Variants in ZNF554 observed in about 807,000 individuals in gnomAD.
ZNF554 encodes the protein zinc finger protein 554.
In ZNF554, 15 loss-of-function variants were observed where a neutral mutation model predicts 21.2. The observed-to-expected ratio is 0.71, with a 90% CI of 0.47 to 1.09. The LOEUF (loss-of-function observed/expected upper bound fraction) is 1.09, where lower values mean the gene tolerates loss of function less well. Ranked by LOEUF, ZNF554 falls within the 50% of genes least tolerant of loss-of-function variation. The probability of loss-of-function intolerance (pLI) is 0.00; values close to 1 mark genes in which losing one functional copy is unlikely to be tolerated. For missense variants in ZNF554, 691 were observed against 662.7 expected (o/e 1.04, Z -0.47); for synonymous variants, 258 against 251.4 (o/e 1.03, Z -0.25).
intron 2 of ZNF554, among the ~76,000 whole-genome samples, chr19:2,824,200 C>T (rs1343801618): frequency 6.6e-6 from 1 of 152,192 alleles, no homozygotes; most frequent in African/African-American, 2.4e-5. Context: ...TCCTGCCTCG[C>T]CCACTTGGAG....
rs752234211 is a variant in ZNF554, at chr19:2,823,036, A to G, written c.54-4A>G. The G allele has an allele frequency of 1.9e-6, 3 of 1,613,102 alleles. No homozygotes were observed. Among genetic ancestry groups the G allele is most frequent in the South Asian group, 1.1e-5 (1 of 91,022 alleles). On this transcript the variant is annotated splice_region_variant and splice_polypyrimidine_tract_variant and intron_variant, in intron 1 of 4. Transcript: ENST00000317243. ...TATTCGCAGCGCCTTTTTCCTCCCC[A>G]CAGCTCTGCCTGCCCAGGAACCTGC...
At chr19:2,824,258 G>A (rs1431038097) in intron 2 of ZNF554, among the ~76,000 whole-genome samples, 2 of 152,216 alleles carry the variant, frequency 1.3e-5, no homozygotes, top group African/African-American at 2.4e-5. Context: ...TTCCTGGAGT[G>A]CGAGGCCCAG....
intron 2 of ZNF554, among the ~76,000 whole-genome samples, 159 bp downstream of exon 2, chr19:2,823,271 G>A (rs6510704): frequency 0.44 from 66,183 of 151,914 alleles, 15,083 homozygotes; most frequent in African/African-American, 0.57. Context: ...GCTGCTCCCA[G>A]GTGTAAAGAG....
chr19:2,833,921 G>T lies in ZNF554; in HGVS notation c.686G>T (p.Ser229Ile). Residue 229 changes from serine (S) to isoleucine (I), a missense_variant, in exon 5 of 5, where the codon AGC (serine) becomes ATC (isoleucine). Transcript: ENST00000317243. ...WHGFGENGNL[S>I]PALVLSQGSS... ...GGATTTGGGGAAAATGGTAATCTGA[G>T]CCCAGCCCTTGTTTTATCACAGGGA... 6.2e-7 allele frequency: 1 copy of T among 1,614,042 alleles called. No individual in the cohort carries two copies. The highest frequency in any genetic ancestry group is 8.5e-7 in the Non-Finnish European group (1 of 1,180,026).
chr19:2,822,345 C>T (rs1218120730), intron 1 of ZNF554, among the ~76,000 whole-genome samples: 1 of 152,124 alleles, frequency 6.6e-6, no homozygotes, highest in African/African-American at 2.4e-5. Context: ...GCCACCATAC[C>T]CGAGCTTTTC....
intron 1 of ZNF554, 76 bp from the exon 2 acceptor site, chr19:2,822,964 T>C: frequency 6.7e-7 from 1 of 1,496,828 alleles, no homozygotes; most frequent in Non-Finnish European, 9.1e-7. Flanking sequence ...CAAATGGAGG[T>C]TCTCCAGGCC....
chr19:2,820,145 C>G (rs1000448791), intron 1 of ZNF554, 21 bp downstream of exon 1: 1 of 1,218,946 alleles, frequency 8.2e-7, no homozygotes, highest in East Asian at 3.3e-5. Flanking sequence ...CCGCCTCCCG[C>G]GCCGCGACCT....
chr19:2,826,037 A>G (rs1045691453), intron 2 of ZNF554, among the ~76,000 whole-genome samples: 5 of 151,364 alleles, frequency 3.3e-5, no homozygotes, highest in Non-Finnish European at 7.4e-5. Context: ...AGTAGCTGCA[A>G]TTACAGGCAC....
intron 2 of ZNF554, among the ~76,000 whole-genome samples, chr19:2,827,276 T>G (rs2087348013): frequency 6.6e-6 from 1 of 152,190 alleles, no homozygotes; most frequent in African/African-American, 2.4e-5. Flanking sequence ...ATCCATGACA[T>G]CCATTCATTT....
At chr19:2,823,180 A>C in intron 2 of ZNF554, 68 bp downstream of exon 2, 46 of 1,486,498 alleles carry the variant, frequency 3.1e-5, no homozygotes, top group Non-Finnish European at 4.2e-5. Flanking sequence ...CCAGAAACTC[A>C]GTCCTCGATA....
chr19:2,834,723 A>G lies in ZNF554; in HGVS notation c.1488A>G (p.Glu496=), dbSNP rs757833548. ...GAGAGAAACCCTACAGGTGTCAGGA[A>G]TGTGGGAAAGCCTTCAGCCAGAGCT... ...HTGEKPYRCQ[E]CGKAFSQSSS... Residue 496 remains glutamate, a synonymous_variant, in exon 5 of 5, where the codon GAA becomes GAG. Transcript: ENST00000317243. 1 of 1,613,860 alleles carries G rather than the reference A, an allele frequency of 6.2e-7. No individual in the cohort carries two copies. The highest frequency in any genetic ancestry group is 2.2e-5 in the East Asian group (1 of 44,872).
chr19:2,819,934 G>A lies in ZNF554; in HGVS notation c.-138G>A, dbSNP rs1220468476. 2.5e-5 allele frequency: 15 copies of A among 590,530 alleles called. No individual in the cohort carries two copies. The highest frequency in any genetic ancestry group is 3.3e-5 in the Non-Finnish European group (14 of 422,778). 36.6% of individuals were successfully genotyped at this position (590,530 alleles called of 1,614,324 possible). On this transcript the variant is annotated 5_prime_UTR_variant, in exon 1 of 5. Transcript: ENST00000317243. The stretch of plus-strand genomic sequence containing the variant: ...CGGCTGCGGCGAGTTCCTGAGGGGC[G>A]CCTGCGGGGGGCGTCCGCTCCGAGC...
At position 2,834,783 on chromosome 19, in the gene ZNF554, C is replaced by A; in HGVS notation, c.1548C>A (p.Ser516Arg). The A allele has an allele frequency of 6.2e-7, 1 of 1,612,370 alleles. No homozygotes were observed. Among genetic ancestry groups the A allele is most frequent in the Non-Finnish European group, 8.5e-7 (1 of 1,178,806 alleles). The change falls in exon 5 of 5, where the codon AGC (serine) becomes AGA (arginine). Residue 516 changes from serine (S) to arginine (R), a missense_variant. Physicochemically the swap from Ser to Arg is moderately radical, Grantham distance 110. Transcript: ENST00000317243. ...SLVTHQKTHS[S>R]QKTYKIIDCG... Reference sequence around the variant, plus strand: ...TCACACATCAGAAAACTCACAGCAGCCAGAAAACCTATAAAATCATTGACT... The same window carrying A: ...TCACACATCAGAAAACTCACAGCAGACAGAAAACCTATAAAATCATTGACT...
chr19:2,824,724 A>T (rs2087307411), intron 2 of ZNF554, among the ~76,000 whole-genome samples: 1 of 152,194 alleles, frequency 6.6e-6, no homozygotes, highest in Non-Finnish European at 1.5e-5. Flanking sequence ...AATACATATG[A>T]ACTTTACCGT....
At chr19:2,825,753 A>G (rs538076615) in intron 2 of ZNF554, among the ~76,000 whole-genome samples, 3 of 151,642 alleles carry the variant, frequency 2.0e-5, no homozygotes, top group Non-Finnish European at 4.4e-5. Flanking sequence ...TTTTTCCAGG[A>G]TGCAACTGAA....
At position 2,821,369 on chromosome 19, in the gene ZNF554, G is replaced by A. The variant is rs951429133; in HGVS notation, c.53+1245G>A. On this transcript the variant is annotated intron_variant, in intron 1 of 4. Coordinates refer to ENST00000317243, the MANE Select transcript of ZNF554 (RefSeq NM_001102651.2). The surrounding 1 kb of genome is among the most constrained non-coding windows in gnomAD (Gnocchi z 8.2). ...GCCTCCCAAAGTGACCACTGCGCCC[G>A]GCGCCTTTGGTTCTTACATGAGCCT... Among the ~76,000 whole-genome samples, 6 of 151,960 alleles carry A rather than the reference G, an allele frequency of 3.9e-5. No homozygotes were observed. The highest frequency in any genetic ancestry group is 4.1e-4 in the South Asian group (2 of 4,830).
chr19:2,831,063 G>GC (rs1379406378), intron 3 of ZNF554: 7 of 152,176 alleles, frequency 4.6e-5, no homozygotes, highest in African/African-American at 1.7e-4. Flanking sequence ...ACTGTGCCCA[G>GC]CCCCATACTG....
chr19:2,835,576 G>C lies in ZNF554; in HGVS notation c.*724G>C, dbSNP rs2087488921. On this transcript the variant is annotated 3_prime_UTR_variant, in exon 5 of 5. Transcript: ENST00000317243. The stretch of plus-strand genomic sequence containing the variant: ...TCCTGTCTTGGCCTCCCAAAGTGTT[G>C]GGATTAGAAGCATGAGCCGCTGTGC... 1 of 152,140 alleles carries C rather than the reference G, an allele frequency of 6.6e-6. No homozygotes were observed. Among genetic ancestry groups the C allele is most frequent in the Non-Finnish European group, 1.5e-5 (1 of 68,042 alleles). 9.4% of individuals were successfully genotyped at this position (152,140 alleles called of 1,614,324 possible). A position where few individuals can be genotyped will look rare whatever the true frequency, so the allele number is the denominator to read the frequency against.
intron 3 of ZNF554, among the ~76,000 whole-genome samples, chr19:2,828,635 AC>A (rs1393119369): frequency 6.6e-6 from 1 of 150,944 alleles, no homozygotes; most frequent in Non-Finnish European, 1.5e-5. Flanking sequence ...AGATTGCACC[AC>A]TGCACTCCAG....
Sources: gnomAD v4.1 joint callset for allele counts (sites outside exome capture counted in the v4.1 genomes callset) on GRCh38, gnomAD v4.1.1 for gene constraint, Gnocchi (gnomAD v3.1) non-coding constraint, MANE v1.5 for transcripts, NCBI Gene and HGNC (gene_info 2026-07-23, HGNC 2026-07-21) for gene names.